The following PARD3B variants were observed in gnomAD, a reference collection of about 807,000 sequenced individuals.
PARD3B encodes par-3 family cell polarity regulator beta.
PARD3B carries 103 observed loss-of-function variants against 130.2 expected under a neutral mutation model. The observed-to-expected ratio is 0.79, with a 90% CI of 0.67 to 0.93. PARD3B has a LOEUF of 0.93. Ranked by LOEUF, PARD3B falls within the 40% of genes least tolerant of loss-of-function variation. PARD3B has a pLI of 0.00. For synonymous variants in PARD3B, 583 were observed against 553.2 expected (o/e 1.05, Z -0.76); for missense variants, 1,609 against 1,499.2 (o/e 1.07, Z -1.21).
At chr2:205,096,292 G>C (rs1702392186) in intron 4 of PARD3B, among the ~76,000 whole-genome samples, 1 of 152,108 alleles carries the variant, frequency 6.6e-6, no homozygotes, top group African/African-American at 2.4e-5. Flanking sequence ...AGGAGGTGAT[G>C]TGTCTGGTCA....
intron 2 of PARD3B, among the ~76,000 whole-genome samples, chr2:204,940,804 A>G (rs1575369869): frequency 6.6e-6 from 1 of 152,094 alleles, no homozygotes; most frequent in Admixed American, 6.5e-5. Context: ...TTCTAGGAGT[A>G]CCCCTGCTCT....
intron 1 of PARD3B, among the ~76,000 whole-genome samples, chr2:204,578,815 T>G (rs1372655302): frequency 1.3e-5 from 2 of 152,118 alleles, no homozygotes; most frequent in Non-Finnish European, 2.9e-5. Context: ...TGCACTCTAC[T>G]ATGGGAAGTT....
intron 2 of PARD3B, among the ~76,000 whole-genome samples, chr2:204,714,023 G>A (rs1156968091): frequency 1.3e-5 from 2 of 152,126 alleles, no homozygotes; most frequent in African/African-American, 2.4e-5. Context: ...ATATATGTAT[G>A]CACATTTATA....
chr2:204,845,677 C>A (rs907957451), intron 2 of PARD3B, among the ~76,000 whole-genome samples: 1 of 152,022 alleles, frequency 6.6e-6, no homozygotes, highest in Non-Finnish European at 1.5e-5. Context: ...ACATAGGAGA[C>A]CCCAACCTCT....
At chr2:205,356,323 G>GA (rs1249365903) in intron 18 of PARD3B, among the ~76,000 whole-genome samples, 1 of 152,090 alleles carries the variant, frequency 6.6e-6, no homozygotes, top group African/African-American at 2.4e-5. Context: ...GGATAATAGA[G>GA]AAAATGTTAA....
chr2:204,906,625 T>C lies in PARD3B; in HGVS notation c.223-58527T>C, dbSNP rs200344485. On this transcript the variant is annotated intron_variant, in intron 2 of 22. Coordinates refer to ENST00000406610, the MANE Select transcript of PARD3B (RefSeq NM_001302769.2). The surrounding 1 kb of genome is among the most constrained non-coding windows in gnomAD (Gnocchi z 4.3). The stretch of plus-strand genomic sequence containing the variant: ...ATTTAGCAACCATTGTTCTGTTTGA[T>C]AACCACAGCTTGACAGATATATTAG... Among the ~76,000 whole-genome samples, 9 of 152,348 alleles carry C rather than the reference T, an allele frequency of 5.9e-5. No homozygotes were observed. The East Asian group carries it at 1.4e-3, about 23-fold the overall frequency.
intron 2 of PARD3B, among the ~76,000 whole-genome samples, chr2:204,771,292 A>T (rs1299792473): frequency 1.3e-5 from 2 of 151,996 alleles, no homozygotes; most frequent in African/African-American, 2.4e-5. Flanking sequence ...ACTGCCATAG[A>T]TAGTATCTAT....
At chr2:204,828,499 C>T (rs1345005608) in intron 2 of PARD3B, among the ~76,000 whole-genome samples, 1 of 152,146 alleles carries the variant, frequency 6.6e-6, no homozygotes, top group African/African-American at 2.4e-5. Flanking sequence ...TTTTTTATAC[C>T]ATAGTCCGGG....
At chr2:205,503,975 T>TG (rs1365486041) in intron 21 of PARD3B, among the ~76,000 whole-genome samples, 1 of 152,190 alleles carries the variant, frequency 6.6e-6, no homozygotes, top group Admixed American at 6.5e-5. Flanking sequence ...GCTCTCTGTT[T>TG]GTCTGTTATT....
intron 2 of PARD3B, among the ~76,000 whole-genome samples, chr2:204,956,815 T>C (rs1690279142): frequency 6.6e-6 from 1 of 152,170 alleles, no homozygotes; most frequent in Non-Finnish European, 1.5e-5. Flanking sequence ...ACAAGGCAGG[T>C]ATATAGAGTT....
At chr2:204,704,678 T>G (rs149066498) in intron 2 of PARD3B, among the ~76,000 whole-genome samples, 1 of 152,244 alleles carries the variant, frequency 6.6e-6, no homozygotes, top group Non-Finnish European at 1.5e-5. Flanking sequence ...TTATCAGAGA[T>G]TTTACATTTA....
intron 2 of PARD3B, among the ~76,000 whole-genome samples, chr2:204,797,692 A>G (rs1306417159): frequency 6.6e-6 from 1 of 152,226 alleles, no homozygotes; most frequent in African/African-American, 2.4e-5. Flanking sequence ...TTATATAAAC[A>G]TATTGAACAT....
At chr2:205,157,522 A>G (rs849123) in intron 10 of PARD3B, among the ~76,000 whole-genome samples, 10,442 of 152,266 alleles carry the variant, frequency 0.069, 544 homozygotes, top group African/African-American at 0.14. Context: ...TGCCGCGTCA[A>G]TGGATCTGGC....
chr2:204,900,363 A>G (rs780189908), intron 2 of PARD3B, among the ~76,000 whole-genome samples: 2 of 151,980 alleles, frequency 1.3e-5, no homozygotes, highest in Non-Finnish European at 2.9e-5. Flanking sequence ...CAAGCTCACT[A>G]ATTATTTCTC....
chr2:205,477,605 A>AAAAAAT (rs112409918), intron 20 of PARD3B, among the ~76,000 whole-genome samples: 1 of 151,946 alleles, frequency 6.6e-6, no homozygotes, highest in African/African-American at 2.4e-5. Flanking sequence ...TTAAAAAAAA[A>AAAAAAT]AATAAGCACA....
chr2:205,465,958 G>T (rs2048606508), intron 20 of PARD3B, among the ~76,000 whole-genome samples: 1 of 152,156 alleles, frequency 6.6e-6, no homozygotes, highest in African/African-American at 2.4e-5. Flanking sequence ...GCTTCCATGG[G>T]GTTCTCCATA....
chr2:204,724,969 A>G (rs953181347), intron 2 of PARD3B, among the ~76,000 whole-genome samples: 3 of 152,164 alleles, frequency 2.0e-5, no homozygotes. Flanking sequence ...AGGCAGGGCA[A>G]GAAGTGGAAA....
At chr2:204,780,692 C>T (rs1398363463) in intron 2 of PARD3B, among the ~76,000 whole-genome samples, 5 of 152,044 alleles carry the variant, frequency 3.3e-5, no homozygotes, top group African/African-American at 4.8e-5. Context: ...ATAGAAGCTA[C>T]GTATCTGAGT....
At chr2:205,133,063 A>C (rs1262955139) in intron 10 of PARD3B, among the ~76,000 whole-genome samples, 1 of 151,916 alleles carries the variant, frequency 6.6e-6, no homozygotes, top group Non-Finnish European at 1.5e-5. Flanking sequence ...TTTTAAACCA[A>C]ATTAAAAAAA....
Sources: allele counts gnomAD v4.1 joint callset (sites outside exome capture counted in the v4.1 genomes callset), GRCh38; gene constraint gnomAD v4.1.1; non-coding constraint Gnocchi (gnomAD v3.1); transcripts MANE v1.5; gene names NCBI Gene and HGNC (gene_info 2026-07-23, HGNC 2026-07-21).